ZFPM1: variants seen among roughly 807,000 people sequenced by gnomAD.
ZFPM1 encodes the protein zinc finger protein, FOG family member 1.
ZFPM1 carries 28 observed loss-of-function variants against 46.3 expected under a neutral mutation model. The observed-to-expected ratio is 0.60, with a 90% CI of 0.45 to 0.83. ZFPM1 has a LOEUF of 0.83. Ranked by LOEUF, ZFPM1 falls within the 40% of genes least tolerant of loss-of-function variation. The pLI is 0.00. For missense variants in ZFPM1, 1,878 were observed against 1,432.4 expected (o/e 1.31, Z -5.02); for synonymous variants, 957 against 675.9 (o/e 1.42, Z -6.45).
intron 3 of ZFPM1, among the ~76,000 whole-genome samples, chr16:88,507,819 C>T (rs1910743061): frequency 6.6e-6 from 1 of 152,164 alleles, no homozygotes; most frequent in African/African-American, 2.4e-5. Context: ...TTGTGAGGCC[C>T]CTCTGCAGAT....
rs1464687246 is a variant in ZFPM1 at position 88,469,360 on chromosome 16, A to G, written c.40+15682A>G. ...AGGCGGTCTAGTAGGTCTGCCTCCC[A>G]GGATGGTTTCTGGGCTCTTCAGCAA... On this transcript the variant is annotated intron_variant, in intron 1 of 9. Coordinates refer to ENST00000319555, the MANE Select transcript of ZFPM1 (RefSeq NM_153813.3). This position sits in a 1 kb window ranked among gnomAD's most constrained non-coding sequence, Gnocchi z 4.3. 6.6e-6 allele frequency among the ~76,000 whole-genome samples: 1 copy of G among 152,168 alleles called. No homozygotes were observed. The highest frequency in any genetic ancestry group is 1.5e-5 in the Non-Finnish European group (1 of 68,026).
At chr16:88,522,963 T>C (rs1055509298) in intron 4 of ZFPM1, among the ~76,000 whole-genome samples, 1 of 151,940 alleles carries the variant, frequency 6.6e-6, no homozygotes, top group Non-Finnish European at 1.5e-5. Context: ...CCCAGCACTT[T>C]GGGAGGCCAA....
At position 88,528,163 on chromosome 16, in the gene ZFPM1, G is replaced by A; in HGVS notation, c.637G>A (p.Ala213Thr). The change falls in exon 6 of 10, where the codon GCC becomes ACC. Residue 213 changes from alanine (A) to threonine (T), a missense_variant. Ala to Thr is a moderately conservative substitution (Grantham distance 58). Transcript: ENST00000319555. ...GGAGCCAGCAGAGCCCACGTGCCCG[G>A]CCCCTGCACACGACCTCCAGCTCCT... ...KKEPAEPTCP[A>T]PAHDLQLLPQ... is the part of the protein sequence containing the mutation. The A allele has an allele frequency of 6.2e-7, 1 of 1,609,412 alleles. No individual in the cohort carries two copies. The highest frequency in any genetic ancestry group is 8.5e-7 in the Non-Finnish European group (1 of 1,179,056).
At chr16:88,461,079 G>GC (rs1407910700) in intron 1 of ZFPM1, among the ~76,000 whole-genome samples, 2 of 113,642 alleles carry the variant, frequency 1.8e-5, no homozygotes, top group African/African-American at 8.0e-5. Context: ...GGGGCAGAAG[G>GC]TCTGGTGAGG....
rs768145456 is a variant in ZFPM1, at chr16:88,453,711, G to A, written c.40+33G>A. The A allele has an allele frequency of 3.0e-5, 35 of 1,171,050 alleles. No homozygotes were observed. In the South Asian group the frequency reaches 6.5e-4, roughly 22 times the overall value. The allele number at this position is 1,171,050 out of a possible 1,614,324, so 72.5% of individuals were successfully genotyped here. On this transcript the variant is annotated intron_variant, in intron 1 of 9. Transcript: ENST00000319555. ...AAACTTTGCCCGCGGTCCCCTCCGC[G>A]CGCCCGACCCCCGCCGGAGCCCAGC...
chr16:88,465,930 A>G (rs1452113305), intron 1 of ZFPM1, among the ~76,000 whole-genome samples: 1 of 152,154 alleles, frequency 6.6e-6, no homozygotes, highest in African/African-American at 2.4e-5. Context: ...CAGGTGAAGC[A>G]GCCATGGGGT....
chr16:88,486,128 T>A, intron 2 of ZFPM1, 85 bp downstream of exon 2: 2 of 1,388,810 alleles, frequency 1.4e-6, no homozygotes, highest in Admixed American at 2.0e-5. Flanking sequence ...CTCAGTGGTG[T>A]CTGAGAGGTG....
intron 5 of ZFPM1, among the ~76,000 whole-genome samples, 164 bp from the exon 6 acceptor site, chr16:88,527,868 G>A (rs925021980): frequency 6.6e-6 from 1 of 150,872 alleles, no homozygotes; most frequent in Non-Finnish European, 1.5e-5. Context: ...ACTCACAGGG[G>A]ACCACCCAGC....
At chr16:88,493,808 G>C (rs1909768116) in intron 3 of ZFPM1, among the ~76,000 whole-genome samples, 1 of 152,254 alleles carries the variant, frequency 6.6e-6, no homozygotes, top group African/African-American at 2.4e-5. Flanking sequence ...GCCCTAAAAA[G>C]GATCAGGGAG....
chr16:88,533,010 A>G, intron 9 of ZFPM1, 75 bp downstream of exon 9: 3 of 1,581,610 alleles, frequency 1.9e-6, no homozygotes, highest in Non-Finnish European at 2.6e-6. Flanking sequence ...CTTGTCGCCC[A>G]AGACAGGTGG....
Position 88,533,494 on chromosome 16 carries a change from C to A in ZFPM1, c.1536C>A (p.Ser512Arg), listed in dbSNP as rs113104972. Residue 512 changes from serine to arginine, a missense_variant, in exon 10 of 10, where the codon AGC becomes AGA. By Grantham distance (110) the Ser-to-Arg change is moderately radical. Transcript: ENST00000319555. ...TGTCCAGCCCCACGCCGGGCTCCAGCCCGGTGCCCGGCGAGCTGGGCCTGG... is the reference window on the plus strand; with the variant it reads ...TGTCCAGCCCCACGCCGGGCTCCAGACCGGTGCCCGGCGAGCTGGGCCTGG... ...AELSSPTPGS[S>R]PVPGELGLAG... 1 of 1,401,276 alleles carries A rather than the reference C, an allele frequency of 7.1e-7. No individual in the cohort carries two copies. Among genetic ancestry groups the A allele is most frequent in the Non-Finnish European group, 9.2e-7 (1 of 1,083,362 alleles). The allele number at this position is 1,401,276 out of a possible 1,614,324, so 86.8% of individuals were successfully genotyped here.
At chr16:88,452,515 C>T (rs139717403), upstream of ZFPM1, among the ~76,000 whole-genome samples, 95 of 152,362 alleles carry the variant, frequency 6.2e-4, no homozygotes, top group East Asian at 0.014. Context: ...TCTGAGCTCA[C>T]AGGGGAAGAC....
intron 3 of ZFPM1, among the ~76,000 whole-genome samples, chr16:88,492,309 G>A (rs1909626929): frequency 6.6e-6 from 1 of 152,130 alleles, no homozygotes; most frequent in Non-Finnish European, 1.5e-5. Flanking sequence ...CCAATCCCAA[G>A]GGTGGGAAAC....
In ZFPM1 at chr16:88,480,011, T is replaced by C. The variant is rs1378747161; in HGVS notation, c.41-5928T>C. 2.0e-5 allele frequency among the ~76,000 whole-genome samples: 3 copies of C among 151,770 alleles called. No individual in the cohort carries two copies. Among genetic ancestry groups the C allele is most frequent in the African/African-American group, 7.3e-5 (3 of 41,234 alleles). ...CCTCACATCTGCGCCCAGCGCCCACTGCCAACACCTGGCTGAGTCCTAACG... is the reference window on the plus strand; with the variant it reads ...CCTCACATCTGCGCCCAGCGCCCACCGCCAACACCTGGCTGAGTCCTAACG... On this transcript the variant is annotated intron_variant, in intron 1 of 9. Coordinates refer to ENST00000319555, the MANE Select transcript of ZFPM1 (RefSeq NM_153813.3). The surrounding 1 kb of genome is among the most constrained non-coding windows in gnomAD (Gnocchi z 4.9).
chr16:88,461,268 C>G (rs115287613), intron 1 of ZFPM1, among the ~76,000 whole-genome samples: 32,808 of 125,350 alleles, frequency 0.26, 5,231 homozygotes, highest in East Asian at 0.47. Flanking sequence ...TGAGGACCGA[C>G]GGGTGCGAGG....
At chr16:88,489,206 C>A in intron 3 of ZFPM1, 53 bp downstream of exon 3, 1 of 1,537,806 alleles carries the variant, frequency 6.5e-7, no homozygotes, top group Non-Finnish European at 8.8e-7. Flanking sequence ...CAGCCTGGCC[C>A]GGCCCCTGGG....
rs1425928454 is a variant in ZFPM1, at chr16:88,501,577, GGTGTGGGTGCATGGGC to G, written c.268+12425_268+12440del. Among the ~76,000 whole-genome samples the G allele has an allele frequency of 2.3e-4, 32 of 138,898 alleles. 1 individual carries two copies. The highest frequency in any genetic ancestry group is 6.7e-4 in the South Asian group (3 of 4,498). 91.1% of individuals were successfully genotyped at this position (138,898 alleles called of 152,430 possible). ...GGTGCTGGTGATGATGGAGATAGCGGGTGTGGGTGCATGGGCTCTCCCGCAGGTACTGGTGATGATG... is the reference window on the plus strand; with the variant it reads ...GGTGCTGGTGATGATGGAGATAGCGGTCTCCCGCAGGTACTGGTGATGATG... On this transcript the variant is annotated intron_variant, in intron 3 of 9. Coordinates refer to ENST00000319555, the MANE Select transcript of ZFPM1 (RefSeq NM_153813.3).
intron 4 of ZFPM1, among the ~76,000 whole-genome samples, chr16:88,522,641 C>G (rs555023024): frequency 6.6e-6 from 1 of 152,380 alleles, no homozygotes; most frequent in South Asian, 2.1e-4. Context: ...ACACTGACCT[C>G]TTTGTTGGGG....
chr16:88,457,892 C>T (rs1907627864), intron 1 of ZFPM1, among the ~76,000 whole-genome samples: 1 of 152,166 alleles, frequency 6.6e-6, no homozygotes, highest in Admixed American at 6.5e-5. Context: ...CCCCGGAGTC[C>T]ACGCCGTCAC....
Sources: gnomAD v4.1 joint callset for allele counts (sites outside exome capture counted in the v4.1 genomes callset) on GRCh38, gnomAD v4.1.1 for gene constraint, Gnocchi (gnomAD v3.1) non-coding constraint, MANE v1.5 for transcripts, NCBI Gene and HGNC (gene_info 2026-07-23, HGNC 2026-07-21) for gene names.